Variants in SMAD1 observed in about 807,000 individuals in gnomAD.
The protein encoded by SMAD1 is MAD, mothers against decapentaplegic homolog 1.
A neutral mutation model predicts 41.6 loss-of-function variants in SMAD1; 6 were observed. The ratio of observed to expected loss-of-function variants is 0.14; its 90% confidence interval spans 0.08 to 0.28. SMAD1 has a LOEUF of 0.28. SMAD1 is among the 10% of genes least tolerant of loss of function. The pLI is 1.00. For missense variants in SMAD1, 379 were observed against 582.6 expected, an observed-to-expected ratio of 0.65 and a Z score of 3.60; for synonymous variants, 206 against 203.2, an observed-to-expected ratio of 1.01 and a Z score of -0.12.
intron 2 of SMAD1, among the ~76,000 whole-genome samples, chr4:145,522,941 T>C (rs1730832382): frequency 6.6e-6 from 1 of 152,146 alleles, no homozygotes; most frequent in Non-Finnish European, 1.5e-5. Context: ...CCTCCCAAAG[T>C]GCTGGGATTA....
chr4:145,484,984 A>G (rs1728406622), intron 1 of SMAD1, among the ~76,000 whole-genome samples: 2 of 152,252 alleles, frequency 1.3e-5, no homozygotes, highest in South Asian at 4.1e-4. Flanking sequence ...ATTTTGCTTA[A>G]GTTTCTGACA....
intron 1 of SMAD1, among the ~76,000 whole-genome samples, chr4:145,507,016 C>G (rs566699060): frequency 6.6e-6 from 1 of 152,174 alleles, no homozygotes; most frequent in African/African-American, 2.4e-5. Flanking sequence ...GAAATCCTTC[C>G]CATGGGTGAG....
In SMAD1 at chr4:145,483,654, A is replaced by G. The variant is rs111584848; in HGVS notation, c.-177+1616A>G. Among the ~76,000 whole-genome samples the G allele has an allele frequency of 1.2e-4, 18 of 152,226 alleles. 1 individual carries two copies. The South Asian group carries it at 2.5e-3, about 21-fold the overall frequency. ...TCTTTCCCATTTGCAATTATTTGCT[A>G]TTTCTGTGCAGGTGGTGTATCATTG... On this transcript the variant is annotated intron_variant, in intron 1 of 6. Transcript: ENST00000302085.
At chr4:145,556,958 G>A (rs1231497262) in intron 6 of SMAD1, among the ~76,000 whole-genome samples, 1 of 152,134 alleles carries the variant, frequency 6.6e-6, no homozygotes, top group Non-Finnish European at 1.5e-5. Flanking sequence ...GATTACAGGT[G>A]TGAGCCACCG....
chr4:145,538,731 G>A (rs529257594), intron 2 of SMAD1, among the ~76,000 whole-genome samples: 1 of 152,210 alleles, frequency 6.6e-6, no homozygotes, highest in South Asian at 2.1e-4. Flanking sequence ...CTCCTCTCAT[G>A]CAGTTTATGA....
At chr4:145,528,934 T>C (rs1731177234) in intron 2 of SMAD1, among the ~76,000 whole-genome samples, 3 of 152,202 alleles carry the variant, frequency 2.0e-5, no homozygotes, top group African/African-American at 7.2e-5. Flanking sequence ...TCCACTTTTA[T>C]AAAGTAGAGG....
intron 5 of SMAD1, among the ~76,000 whole-genome samples, chr4:145,549,541 T>A (rs1460661400): frequency 6.6e-6 from 1 of 152,210 alleles, no homozygotes; most frequent in Non-Finnish European, 1.5e-5. Context: ...ATTGTCACAA[T>A]AGATGCATCT....
chr4:145,516,832 T>A (rs999110514), intron 2 of SMAD1, among the ~76,000 whole-genome samples: 15 of 152,174 alleles, frequency 9.9e-5, no homozygotes, highest in African/African-American at 3.4e-4. Context: ...TTAAAATGTA[T>A]TAATACATAG....
chr4:145,537,372 TGGA>T lies in SMAD1; in HGVS notation c.401-2427_401-2425del, dbSNP rs1560754699. On this transcript the variant is annotated intron_variant, in intron 2 of 6. Coordinates refer to ENST00000302085, the MANE Select transcript of SMAD1 (RefSeq NM_005900.3). ...GTATTTGTGTTCTAGGGCTGGGGAA[TGGA>T]GGAGAGAGAATGAGTAAGTTAATGT... Among the ~76,000 whole-genome samples the T allele has an allele frequency of 6.6e-5, 10 of 152,246 alleles. No individual in the cohort carries two copies. In the South Asian group the frequency reaches 2.1e-3, roughly 32 times the overall value.
chr4:145,498,360 C>T (rs1163706275), intron 1 of SMAD1, among the ~76,000 whole-genome samples: 2 of 152,186 alleles, frequency 1.3e-5, no homozygotes, highest in Non-Finnish European at 2.9e-5. Flanking sequence ...TACCAGAATA[C>T]ATTTCTCTGA....
intron 2 of SMAD1, among the ~76,000 whole-genome samples, chr4:145,520,854 CAG>C (rs764697331): frequency 3.3e-5 from 5 of 151,964 alleles, no homozygotes; most frequent in Admixed American, 2.0e-4. Context: ...ATAAATAAAA[CAG>C]TGTAAAAAAA....
At chr4:145,491,801 T>C (rs951653841) in intron 1 of SMAD1, among the ~76,000 whole-genome samples, 1 of 152,204 alleles carries the variant, frequency 6.6e-6, no homozygotes, top group Admixed American at 6.5e-5. Context: ...ATGATGAACC[T>C]TGAAGACACC....
At position 145,508,399 on chromosome 4, in the gene SMAD1, A is replaced by G. The variant is rs374118578; in HGVS notation, c.-176-6039A>G. Reference sequence around the variant, plus strand: ...GGTTCTGCCACTTATAGCTGTCTACATAACTTTGGACAAGATACTCAACTA... The same window carrying G: ...GGTTCTGCCACTTATAGCTGTCTACGTAACTTTGGACAAGATACTCAACTA... On this transcript the variant is annotated intron_variant, in intron 1 of 6. Transcript: ENST00000302085. Among the ~76,000 whole-genome samples, 4 of 152,136 alleles carry G rather than the reference A, an allele frequency of 2.6e-5. No individual in the cohort carries two copies. In the East Asian group the frequency reaches 7.7e-4, roughly 29 times the overall value.
At chr4:145,551,857 G>A (rs1039377766) in intron 5 of SMAD1, among the ~76,000 whole-genome samples, 10 of 152,090 alleles carry the variant, frequency 6.6e-5, no homozygotes, top group African/African-American at 2.4e-4. Context: ...AGCAGCCTTC[G>A]ATCCAGTAAT....
intron 2 of SMAD1, among the ~76,000 whole-genome samples, chr4:145,517,416 A>G (rs1730476617): frequency 6.6e-6 from 1 of 152,070 alleles, no homozygotes; most frequent in Admixed American, 6.6e-5. Context: ...CTTCACACAT[A>G]TCTCCCTACT....
chr4:145,483,623 C>T (rs1375311125), intron 1 of SMAD1, among the ~76,000 whole-genome samples: 1 of 152,148 alleles, frequency 6.6e-6, no homozygotes, highest in Non-Finnish European at 1.5e-5. Flanking sequence ...CTGCCCTCTC[C>T]CACTCTCTTT....
chr4:145,488,641 C>T (rs936136993), intron 1 of SMAD1, among the ~76,000 whole-genome samples: 1 of 151,872 alleles, frequency 6.6e-6, no homozygotes, highest in Non-Finnish European at 1.5e-5. Context: ...ATTAATTAAG[C>T]CATTATTCAG....
chr4:145,542,485 C>A, intron 3 of SMAD1, 97 bp from the exon 4 acceptor site: 1 of 657,568 alleles, frequency 1.5e-6, no homozygotes, highest in Non-Finnish European at 2.6e-6. Flanking sequence ...GAAATGACAA[C>A]TTGATCTCTT....
chr4:145,531,288 G>T (rs550545079), intron 2 of SMAD1, among the ~76,000 whole-genome samples: 1 of 152,154 alleles, frequency 6.6e-6, no homozygotes, highest in Non-Finnish European at 1.5e-5. Context: ...TACCCTTTCC[G>T]GCACTTCCTA....
Sources: allele counts gnomAD v4.1 joint callset (sites outside exome capture counted in the v4.1 genomes callset), GRCh38; gene constraint gnomAD v4.1.1; transcripts MANE v1.5; gene names NCBI Gene and HGNC (gene_info 2026-07-23, HGNC 2026-07-21).